DNAH5: variants seen among roughly 807,000 people sequenced by gnomAD.
The protein encoded by DNAH5 is axonemal beta dynein heavy chain 5.
DNAH5 carries 372 observed loss-of-function variants against 518.2 expected under a neutral mutation model. The ratio of observed to expected loss-of-function variants is 0.72; its 90% CI spans 0.66 to 0.78. DNAH5 has a LOEUF of 0.78. Ranked by LOEUF, DNAH5 falls within the 30% of genes least tolerant of loss-of-function variation. The pLI is 0.00. For missense variants in DNAH5, 5,523 were observed against 5,687.0 expected (o/e 0.97, Z 0.93); for synonymous variants, 2,039 against 2,025.9 (o/e 1.01, Z -0.17).
At chr5:13,752,724 C>T (rs1750414633) in intron 63 of DNAH5, among the ~76,000 whole-genome samples, 1 of 152,184 alleles carries the variant, frequency 6.6e-6, no homozygotes, top group African/African-American at 2.4e-5. Context: ...ATTCAACTTT[C>T]ATATAGATTT....
In DNAH5 at chr5:13,719,118, A is replaced by G. The variant is rs10214399; in HGVS notation, c.12280-17T>C. On this transcript the variant is annotated splice_polypyrimidine_tract_variant and intron_variant, in intron 71 of 78. Coordinates refer to ENST00000265104, the MANE Select transcript of DNAH5 (RefSeq NM_001369.3). Reference sequence around the variant, plus strand: ...CCATCCTCCCTGTCAATAGCAGTAAACGGAAATTAGGTAGTTTTGTATTTC... The same window carrying G: ...CCATCCTCCCTGTCAATAGCAGTAAGCGGAAATTAGGTAGTTTTGTATTTC... 1.6e-3 allele frequency: 2,532 copies of G among 1,599,190 alleles called. 33 individuals are homozygous for G. In the African/African-American group the frequency reaches 0.031, roughly 19 times the overall value.
chr5:14,001,674 TTTTC>T (rs1244512590), intron 1 of DNAH5, among the ~76,000 whole-genome samples: 15 of 51,258 alleles, frequency 2.9e-4, no homozygotes, highest in Non-Finnish European at 5.1e-4. Context: ...AGTTTTTTTC[TTTTC>T]TTTTTTTTTT....
Position 13,900,191 on chromosome 5 carries a change from A to G in DNAH5, c.2259+15T>C. Reference sequence around the variant, plus strand: ...AGCTAGCCAAGAATGGGGGGAAAAAATAAAAGTAGTATACCTTCATGTTAC... The same window carrying G: ...AGCTAGCCAAGAATGGGGGGAAAAAGTAAAAGTAGTATACCTTCATGTTAC... On this transcript the variant is annotated intron_variant, in intron 15 of 78. Transcript: ENST00000265104. 1 of 1,604,866 alleles carries G rather than the reference A, an allele frequency of 6.2e-7. No homozygotes were observed.
At chr5:13,918,225 C>G (rs774570312) in intron 7 of DNAH5, among the ~76,000 whole-genome samples, 1 of 152,218 alleles carries the variant, frequency 6.6e-6, no homozygotes, top group Non-Finnish European at 1.5e-5. Context: ...ATGTTCTAAG[C>G]TGCTCTACAG....
At chr5:13,915,881 T>C (rs569359909) in intron 9 of DNAH5, among the ~76,000 whole-genome samples, 7 of 152,120 alleles carry the variant, frequency 4.6e-5, no homozygotes. Flanking sequence ...AATTGCTTTA[T>C]AGATTACTAG....
intron 1 of DNAH5, among the ~76,000 whole-genome samples, chr5:13,973,249 G>A (rs192161551): frequency 6.6e-6 from 1 of 152,172 alleles, no homozygotes; most frequent in South Asian, 2.1e-4. Flanking sequence ...GGACCAAAAC[G>A]ATTCTCTCCT....
At chr5:13,815,741 A>G (rs1007307039) in intron 42 of DNAH5, among the ~76,000 whole-genome samples, 1 of 152,136 alleles carries the variant, frequency 6.6e-6, no homozygotes, top group Non-Finnish European at 1.5e-5. Context: ...GAGCTATGGA[A>G]CCCATTCTGG....
intron 52 of DNAH5, among the ~76,000 whole-genome samples, chr5:13,785,006 A>G (rs961064063): frequency 1.2e-4 from 19 of 152,056 alleles, no homozygotes; most frequent in African/African-American, 4.6e-4. Context: ...ATGGTTTTGG[A>G]ATGATTCAAG....
intron 47 of DNAH5, among the ~76,000 whole-genome samples, chr5:13,807,131 T>C (rs1011928076): frequency 6.6e-6 from 1 of 152,178 alleles, no homozygotes; most frequent in Non-Finnish European, 1.5e-5. Flanking sequence ...AAGAAATAGA[T>C]GTGAAATGCA....
chr5:13,778,511 G>GGGAGAGAAAGTGAGA (rs1754463352), intron 53 of DNAH5, among the ~76,000 whole-genome samples: 1 of 129,334 alleles, frequency 7.7e-6, no homozygotes, highest in Non-Finnish European at 1.6e-5. Flanking sequence ...AGGGAGGGAG[G>GGGAGAGAAAGTGAGA]GAGGGGAGAG....
At chr5:13,768,879 T>C in intron 58 of DNAH5, 81 bp downstream of exon 58, 1 of 1,476,518 alleles carries the variant, frequency 6.8e-7, no homozygotes, top group Non-Finnish European at 9.4e-7. Flanking sequence ...GTAGAGCATT[T>C]CCTTGCTGTT....
intron 3 of DNAH5, among the ~76,000 whole-genome samples, chr5:13,925,279 GA>G (rs965758713): frequency 4.2e-4 from 63 of 150,836 alleles, no homozygotes; most frequent in African/African-American, 1.4e-3. Context: ...AATTTCAAAG[GA>G]AAAAAAAATC....
chr5:13,955,418 A>G (rs1411086020), intron 1 of DNAH5, among the ~76,000 whole-genome samples: 3 of 152,216 alleles, frequency 2.0e-5, no homozygotes, highest in Admixed American at 6.5e-5. Context: ...CACCAAGAGA[A>G]CTCAGCATCC....
At chr5:13,992,428 A>T (rs1783621693) in intron 1 of DNAH5, among the ~76,000 whole-genome samples, 1 of 152,208 alleles carries the variant, frequency 6.6e-6, no homozygotes, top group African/African-American at 2.4e-5. Flanking sequence ...TTTTTGTATC[A>T]CTTTCTTGTA....
chr5:13,795,322 AAG>A lies in DNAH5; in HGVS notation c.7888-1266_7888-1265del, dbSNP rs540396462. 6.3e-3 allele frequency among the ~76,000 whole-genome samples: 954 copies of A among 152,298 alleles called. 5 individuals carry two copies. Among genetic ancestry groups the A allele is most frequent in the African/African-American group, 0.022 (896 of 41,578 alleles). On this transcript the variant is annotated intron_variant, in intron 47 of 78. Coordinates refer to ENST00000265104, the MANE Select transcript of DNAH5 (RefSeq NM_001369.3). The stretch of plus-strand genomic sequence containing the variant: ...GGCTAGCAAGATTAATAAAGAAGAA[AAG>A]AGAGAAAAATCAAATAGATGCAATA...
intron 49 of DNAH5, 122 bp from the exon 50 acceptor site, chr5:13,792,339 TAAAAG>T (rs1227339734): frequency 7.9e-6 from 6 of 760,452 alleles, no homozygotes; most frequent in African/African-American, 1.8e-5. Context: ...TAATCACATA[TAAAAG>T]AAAAGTATGT....
At chr5:13,807,070 G>A (rs577352225) in intron 47 of DNAH5, among the ~76,000 whole-genome samples, 9 of 152,276 alleles carry the variant, frequency 5.9e-5, no homozygotes, top group South Asian at 2.1e-4. Context: ...AACCTGGTAC[G>A]CAATCATGCA....
intron 32 of DNAH5, among the ~76,000 whole-genome samples, chr5:13,844,368 C>T (rs571109641): frequency 6.6e-6 from 1 of 152,150 alleles, no homozygotes; most frequent in Non-Finnish European, 1.5e-5. Context: ...GTGTAGTCTC[C>T]GTCAAGTTAA....
chr5:13,944,881 T>C (rs553383752), upstream of DNAH5, among the ~76,000 whole-genome samples: 18 of 152,354 alleles, frequency 1.2e-4, no homozygotes, highest in African/African-American at 3.8e-4. Flanking sequence ...TGAGAAACTT[T>C]AAACCATATC....
Sources: gnomAD v4.1 joint callset for allele counts (sites outside exome capture counted in the v4.1 genomes callset) on GRCh38, gnomAD v4.1.1 for gene constraint, MANE v1.5 for transcripts, NCBI Gene and HGNC (gene_info 2026-07-23, HGNC 2026-07-21) for gene names.